The following HNF4G variants were observed in gnomAD, a reference collection of about 807,000 sequenced individuals.
The protein encoded by HNF4G is hepatocyte nuclear factor 4 gamma.
A neutral mutation model predicts 50.9 loss-of-function variants in HNF4G; 21 were observed. The ratio of observed to expected loss-of-function variants is 0.41; its 90% CI spans 0.29 to 0.59. The LOEUF (loss-of-function observed/expected upper bound fraction) is 0.59, where lower values mean the gene tolerates loss of function less well. HNF4G is among the 20% of genes least tolerant of loss of function. The pLI is 0.26. For missense variants in HNF4G, 527 were observed against 559.4 expected, an observed-to-expected ratio of 0.94 and a Z score of 0.58; for synonymous variants, 198 against 185.6, an observed-to-expected ratio of 1.07 and a Z score of -0.54.
At chr8:75,514,329 C>T (rs1348983769) in intron 2 of HNF4G, among the ~76,000 whole-genome samples, 13 of 135,566 alleles carry the variant, frequency 9.6e-5, no homozygotes, top group South Asian at 2.4e-4. Flanking sequence ...TTTTCTTTTT[C>T]TTTTTTTTCC....
intron 1 of HNF4G, among the ~76,000 whole-genome samples, chr8:75,467,732 A>C (rs1275840563): frequency 1.3e-5 from 2 of 151,926 alleles, no homozygotes; most frequent in Admixed American, 1.3e-4. Flanking sequence ...CTATCCATAT[A>C]TTTTACTTCC....
intron 1 of HNF4G, among the ~76,000 whole-genome samples, chr8:75,483,429 A>G (rs1024462718): frequency 6.6e-6 from 1 of 152,128 alleles, no homozygotes; most frequent in Admixed American, 6.5e-5. Flanking sequence ...TTCTCTTGTT[A>G]AAAAGGAACA....
At chr8:75,539,586 C>T (rs145482204), upstream of HNF4G, among the ~76,000 whole-genome samples, 3 of 152,238 alleles carry the variant, frequency 2.0e-5, no homozygotes, top group Non-Finnish European at 4.4e-5. Context: ...GGATACCTCA[C>T]ATTATTATTA....
chr8:75,411,659 A>G (rs1309046275), intron 1 of HNF4G, among the ~76,000 whole-genome samples: 1 of 152,156 alleles, frequency 6.6e-6, no homozygotes, highest in African/African-American at 2.4e-5. Context: ...GACACTCAAC[A>G]TTTTGAAGAA....
rs36098920 is a variant in HNF4G at position 75,434,675 on chromosome 8, A to AACACACACACAC, written c.-144+26533_-144+26544dup. On this transcript the variant is annotated intron_variant, in intron 1 of 10. Transcript: ENST00000354370. Reference sequence around the variant, plus strand: ...ATTCCAGAACACAAACAACAAGGCCAACACACACACACACACACACACACA... The same window carrying AACACACACACAC: ...ATTCCAGAACACAAACAACAAGGCCAACACACACACACACACACACACACACACACACACACA... Among the ~76,000 whole-genome samples, 485 of 145,788 alleles carry AACACACACACAC rather than the reference A, an allele frequency of 3.3e-3. 3 individuals carry two copies. The highest frequency in any genetic ancestry group is 0.01 in the African/African-American group (404 of 39,770).
intron 2 of HNF4G, among the ~76,000 whole-genome samples, chr8:75,529,015 G>T (rs534462685): frequency 2.6e-4 from 39 of 152,202 alleles, no homozygotes; most frequent in Non-Finnish European, 5.6e-4. Context: ...TGCCGGGCGC[G>T]GTGGCTAACG....
chr8:75,417,380 T>C (rs977311552), intron 1 of HNF4G, among the ~76,000 whole-genome samples: 2 of 152,244 alleles, frequency 1.3e-5, no homozygotes, highest in Non-Finnish European at 2.9e-5. Context: ...ATTCTTTCAA[T>C]AACTCTATAC....
chr8:75,479,014 C>T (rs1319408543), intron 1 of HNF4G, among the ~76,000 whole-genome samples: 1 of 152,178 alleles, frequency 6.6e-6, no homozygotes, highest in African/African-American at 2.4e-5. Context: ...GGCCACCCCG[C>T]TCGGCCGGCA....
intron 1 of HNF4G, among the ~76,000 whole-genome samples, chr8:75,410,059 T>A (rs77646992): frequency 0.019 from 2,911 of 152,306 alleles, 81 homozygotes; most frequent in African/African-American, 0.063. Context: ...TACTTATCTG[T>A]CAATATATAC....
chr8:75,469,106 C>T (rs1387295394), intron 1 of HNF4G, among the ~76,000 whole-genome samples: 1 of 152,178 alleles, frequency 6.6e-6, no homozygotes, highest in Non-Finnish European at 1.5e-5. Flanking sequence ...TCTGATTTGG[C>T]TTCAGGTCTG....
At chr8:75,438,294 C>T (rs183695902) in intron 1 of HNF4G, among the ~76,000 whole-genome samples, 22 of 152,278 alleles carry the variant, frequency 1.4e-4, no homozygotes, top group Non-Finnish European at 2.6e-4. Flanking sequence ...TCTTATACAG[C>T]CAGATCCCTG....
At chr8:75,510,647 A>C (rs986662035) in intron 2 of HNF4G, among the ~76,000 whole-genome samples, 2 of 152,156 alleles carry the variant, frequency 1.3e-5, no homozygotes, top group African/African-American at 4.8e-5. Flanking sequence ...CACTATACAG[A>C]CTTGTAGCCT....
At chr8:75,533,761 T>C (rs900396405) in intron 2 of HNF4G, among the ~76,000 whole-genome samples, 7 of 151,894 alleles carry the variant, frequency 4.6e-5, no homozygotes, top group Non-Finnish European at 1.0e-4. Context: ...CAAATATTGT[T>C]TACTTTTATC....
chr8:75,441,952 T>A (rs1293790448), intron 1 of HNF4G, among the ~76,000 whole-genome samples: 1 of 152,176 alleles, frequency 6.6e-6, no homozygotes, highest in Non-Finnish European at 1.5e-5. Context: ...TATATTCACG[T>A]GATGATTTAC....
At chr8:75,474,137 C>G (rs951086043) in intron 1 of HNF4G, among the ~76,000 whole-genome samples, 3 of 152,136 alleles carry the variant, frequency 2.0e-5, no homozygotes, top group Non-Finnish European at 4.4e-5. Flanking sequence ...GATTCCTTCT[C>G]CCCTGAAATC....
intron 1 of HNF4G, among the ~76,000 whole-genome samples, chr8:75,456,520 A>G (rs112573507): frequency 1.3e-4 from 20 of 152,120 alleles, no homozygotes; most frequent in African/African-American, 4.6e-4. Flanking sequence ...TTGATGTTTT[A>G]TCTTGTTTGG....
chr8:75,516,771 T>C (rs1805899183), intron 2 of HNF4G, among the ~76,000 whole-genome samples: 1 of 152,232 alleles, frequency 6.6e-6, no homozygotes, highest in Non-Finnish European at 1.5e-5. Context: ...TTGTTATGTC[T>C]TCTTGAAGAA....
At chr8:75,469,931 C>A (rs1342048659) in intron 1 of HNF4G, among the ~76,000 whole-genome samples, 3 of 152,068 alleles carry the variant, frequency 2.0e-5, no homozygotes, top group South Asian at 2.1e-4. Context: ...AAAAAAGAAA[C>A]CTGAGAGTGT....
upstream of HNF4G, among the ~76,000 whole-genome samples, chr8:75,539,008 A>G (rs2130780614): frequency 6.6e-6 from 1 of 152,314 alleles, no homozygotes. Flanking sequence ...ATCAATAAAC[A>G]TATTTTCAGA....
Sources: allele counts gnomAD v4.1 joint callset (sites outside exome capture counted in the v4.1 genomes callset), GRCh38; gene constraint gnomAD v4.1.1; transcripts MANE v1.5; gene names NCBI Gene and HGNC (gene_info 2026-07-23, HGNC 2026-07-21).